PCDHA3: variants seen among roughly 807,000 people sequenced by gnomAD.
PCDHA3 encodes protocadherin alpha-3.
A neutral mutation model predicts 62.2 loss-of-function variants in PCDHA3; 41 were observed. The observed-to-expected ratio is 0.66, with a 90% CI of 0.51 to 0.86. The LOEUF (loss-of-function observed/expected upper bound fraction) is 0.86, where lower values mean the gene tolerates loss of function less well. Among genes scored for constraint, PCDHA3 ranks in the 40% least tolerant of loss-of-function variants. The probability of loss-of-function intolerance (pLI) is 0.00; values close to 1 mark genes in which losing one functional copy is unlikely to be tolerated. For synonymous variants in PCDHA3, 640 were observed against 555.4 expected, an observed-to-expected ratio of 1.15 and a Z score of -2.14; for missense variants, 1,304 against 1,241.2, an observed-to-expected ratio of 1.05 and a Z score of -0.76.
chr5:140,834,545 G>T (rs2150220681), intron 1 of PCDHA3: 1 of 1,614,088 alleles, frequency 6.2e-7, no homozygotes, highest in South Asian at 1.1e-5. Flanking sequence ...ACCTGGGGCT[G>T]GAGCTGGCGG....
Position 140,803,082 on chromosome 5 carries a change from G to A in PCDHA3, c.1885G>A (p.Gly629Arg), listed in dbSNP as rs782050127. The change falls in exon 1 of 4, where the codon GGA becomes AGA. Residue 629 changes from glycine (G) to arginine (R), a missense_variant. Physicochemically the swap from Gly to Arg is moderately radical, Grantham distance 125. Transcript: ENST00000522353. ...RIPFRVGLYT[G>R]EISTTRALDE... ...CCCGTTTCGCGTGGGGCTGTACACG[G>A]GAGAGATCAGCACGACCCGTGCCCT... The A allele has an allele frequency of 5.6e-6, 9 of 1,613,954 alleles. No individual in the cohort carries two copies. The South Asian group carries it at 8.8e-5, about 16-fold the overall frequency.
chr5:140,843,744 A>C, intron 1 of PCDHA3: 1 of 1,534,810 alleles, frequency 6.5e-7, no homozygotes, highest in Non-Finnish European at 8.9e-7. Context: ...AGAACTCATA[A>C]ATTCTATTTG....
At chr5:140,864,648 G>A (rs2048555529) in intron 1 of PCDHA3, 1 of 152,150 alleles carries the variant, frequency 6.6e-6, no homozygotes, top group Non-Finnish European at 1.5e-5. Context: ...AACAATGTCA[G>A]CTCTACTTAA....
At chr5:140,923,093 A>G (rs1372910044) in intron 1 of PCDHA3, among the ~76,000 whole-genome samples, 3 of 152,194 alleles carry the variant, frequency 2.0e-5, no homozygotes, top group Admixed American at 6.5e-5. Flanking sequence ...TATTTGACCA[A>G]TGGGAGTATG....
chr5:140,927,624 G>A (rs1554204821), intron 1 of PCDHA3: 3 of 1,614,212 alleles, frequency 1.9e-6, no homozygotes, highest in Non-Finnish European at 2.5e-6. Context: ...AGGTTCCAGA[G>A]ACTGCACCCA....
At chr5:140,890,066 C>G (rs1217511895) in intron 1 of PCDHA3, among the ~76,000 whole-genome samples, 1 of 152,148 alleles carries the variant, frequency 6.6e-6, no homozygotes, top group Non-Finnish European at 1.5e-5. Context: ...CTTTTACTGG[C>G]TTATGAGAAC....
intron 1 of PCDHA3, chr5:140,825,395 ATATAT>A (rs1166769345): frequency 7.7e-6 from 1 of 130,132 alleles, no homozygotes; most frequent in African/African-American, 3.9e-5. Context: ...TATATATCTA[ATATAT>A]TATATATTTT....
intron 3 of PCDHA3, among the ~76,000 whole-genome samples, chr5:141,004,888 G>C (rs555046086): frequency 2.0e-5 from 3 of 152,132 alleles, no homozygotes; most frequent in Admixed American, 6.5e-5. Flanking sequence ...GTGCTATTGT[G>C]TCAGCTCTGC....
chr5:140,926,539 G>A (rs910445315), intron 1 of PCDHA3: 2 of 216,944 alleles, frequency 9.2e-6, no homozygotes, highest in Non-Finnish European at 1.8e-5. Flanking sequence ...AGCCAGCGTG[G>A]TGGTCGAGAC....
At chr5:140,842,644 G>C in intron 1 of PCDHA3, 1 of 1,595,462 alleles carries the variant, frequency 6.3e-7, no homozygotes, top group African/African-American at 1.3e-5. Context: ...CCGCCAGCTT[G>C]TCTGTGGAGG....
intron 1 of PCDHA3, chr5:140,968,494 C>G (rs782064203): frequency 1.2e-6 from 2 of 1,614,096 alleles, no homozygotes; most frequent in South Asian, 2.2e-5. Flanking sequence ...ATGACCATGC[C>G]CCTCACATTC....
chr5:140,931,578 C>T (rs2087609680), intron 1 of PCDHA3, among the ~76,000 whole-genome samples: 1 of 152,008 alleles, frequency 6.6e-6, no homozygotes, highest in South Asian at 2.1e-4. Flanking sequence ...CCCATTCATT[C>T]AGTTGAACAG....
intron 1 of PCDHA3, chr5:140,823,546 G>T (rs1264438585): frequency 6.2e-7 from 1 of 1,613,754 alleles, no homozygotes; most frequent in Non-Finnish European, 8.5e-7. Context: ...CCACGTGGTG[G>T]CGAAGGTGCG....
At chr5:140,988,856 C>G (rs1363693153) in intron 3 of PCDHA3, 1 of 152,180 alleles carries the variant, frequency 6.6e-6, no homozygotes, top group African/African-American at 2.4e-5. Context: ...CCTATCCAGT[C>G]TCATGTGCAC....
chr5:140,811,154 C>T (rs1764804628), intron 1 of PCDHA3: 2 of 152,184 alleles, frequency 1.3e-5, no homozygotes, highest in South Asian at 4.1e-4. Context: ...GCTATCCCTC[C>T]CCCAGTCCCC....
At chr5:140,895,666 T>A (rs538311323) in intron 1 of PCDHA3, among the ~76,000 whole-genome samples, 24 of 152,288 alleles carry the variant, frequency 1.6e-4, no homozygotes, top group African/African-American at 5.8e-4. Context: ...AGTGAGAACA[T>A]GTAGTATTTG....
chr5:140,861,875 G>A (rs536316247), intron 1 of PCDHA3: 3 of 156,086 alleles, frequency 1.9e-5, no homozygotes, highest in African/African-American at 7.2e-5. Context: ...TGGGGGCGAA[G>A]CTGAGCTGAC....
At position 140,850,499 on chromosome 5, in the gene PCDHA3, G is replaced by T. The variant is rs2150486529; in HGVS notation, c.2394+46908G>T. 2.5e-6 allele frequency: 4 copies of T among 1,598,170 alleles called. No individual in the cohort carries two copies. The East Asian group carries it at 8.9e-5, about 36-fold the overall frequency. ...CGGCCACGGCCACTGTGCTGGTGTCGCTGGTGGAGAGCGGCCAGGCGCCAA... is the reference window on the plus strand; with the variant it reads ...CGGCCACGGCCACTGTGCTGGTGTCTCTGGTGGAGAGCGGCCAGGCGCCAA... On this transcript the variant is annotated intron_variant, in intron 1 of 3. Transcript: ENST00000522353.
At chr5:140,809,651 T>C in intron 1 of PCDHA3, 4 of 1,495,674 alleles carry the variant, frequency 2.7e-6, no homozygotes, top group Non-Finnish European at 3.6e-6. Flanking sequence ...TTTCTAAGAG[T>C]CAAATTTCCC....
Sources: gnomAD v4.1 joint callset for allele counts (sites outside exome capture counted in the v4.1 genomes callset) on GRCh38, gnomAD v4.1.1 for gene constraint, MANE v1.5 for transcripts, NCBI Gene and HGNC (gene_info 2026-07-23, HGNC 2026-07-21) for gene names.